The following ADGRE3 variants were observed in gnomAD, a reference collection of about 807,000 sequenced individuals.
The protein encoded by ADGRE3 is EGF-like module receptor 3.
A neutral mutation model predicts 80.1 loss-of-function variants in ADGRE3; 88 were observed. The observed-to-expected ratio is 1.10, with a 90% CI of 0.93 to 1.31. The LOEUF (loss-of-function observed/expected upper bound fraction) is 1.31. Ranked by LOEUF, ADGRE3 falls within the 40% of genes most tolerant of loss-of-function variation. The probability of loss-of-function intolerance (pLI) is 0.00; values close to 1 mark genes in which losing one functional copy is unlikely to be tolerated. For synonymous variants in ADGRE3, 281 were observed against 294.8 expected (o/e 0.95, Z 0.48); for missense variants, 715 against 776.5 (o/e 0.92, Z 0.94).
chr19:14,666,607 C>T (rs1363295687), intron 2 of ADGRE3, among the ~76,000 whole-genome samples: 1 of 152,146 alleles, frequency 6.6e-6, no homozygotes, highest in Non-Finnish European at 1.5e-5. Flanking sequence ...AAGCTCCTGA[C>T]TTCAAGTGAT....
intron 11 of ADGRE3, among the ~76,000 whole-genome samples, chr19:14,637,017 C>T (rs914273060): frequency 6.6e-6 from 1 of 152,016 alleles, no homozygotes; most frequent in African/African-American, 2.4e-5. Flanking sequence ...TCGCTTGAAC[C>T]CGGGAGGTGG....
chr19:14,665,936 G>GTATATATATGTATATATATATA (rs71166783), intron 2 of ADGRE3, among the ~76,000 whole-genome samples: 3 of 42,098 alleles, frequency 7.1e-5, no homozygotes, highest in African/African-American at 3.4e-4. Context: ...ACACATATGT[G>GTATATATATGTATATATATATA]TATATATATA....
At chr19:14,606,105 T>A in the ADGRE3 span, among the ~76,000 whole-genome samples, 1 of 152,066 alleles carries the variant, frequency 6.6e-6, no homozygotes, top group Non-Finnish European at 1.5e-5. Flanking sequence ...CCTGGAACAA[T>A]GAATTCTTAT....
chr19:14,603,582 C>A, the ADGRE3 span, among the ~76,000 whole-genome samples: 16 of 152,038 alleles, frequency 1.1e-4, no homozygotes, highest in African/African-American at 3.9e-4. Flanking sequence ...GATTTAGCCT[C>A]CCAAGTAACT....
At chr19:14,648,642 A>G (rs1159444271) in intron 7 of ADGRE3, among the ~76,000 whole-genome samples, 1 of 152,172 alleles carries the variant, frequency 6.6e-6, no homozygotes, top group Non-Finnish European at 1.5e-5. Context: ...TGTTTTAAAG[A>G]TGAGATTAAT....
intron 5 of ADGRE3, 116 bp downstream of exon 5, chr19:14,658,396 TA>T (rs1363959070): frequency 2.5e-5 from 10 of 403,852 alleles, no homozygotes; most frequent in African/African-American, 2.2e-4. Context: ...ATTATATATG[TA>T]TATATAATAT....
At chr19:14,637,067 C>T (rs1331925522) in intron 11 of ADGRE3, among the ~76,000 whole-genome samples, 2 of 152,074 alleles carry the variant, frequency 1.3e-5, no homozygotes, top group African/African-American at 4.8e-5. Flanking sequence ...GGACTCCAGC[C>T]TGGGCAACAA....
the ADGRE3 span, among the ~76,000 whole-genome samples, chr19:14,608,781 G>A: frequency 1.3e-5 from 2 of 149,680 alleles, no homozygotes; most frequent in South Asian, 2.1e-4. Context: ...TTACAGGTGC[G>A]CACCACCATG....
chr19:14,636,444 C>T (rs780423041), intron 11 of ADGRE3, among the ~76,000 whole-genome samples: 2 of 151,480 alleles, frequency 1.3e-5, no homozygotes, highest in African/African-American at 2.4e-5. Flanking sequence ...TGGCCTCAAA[C>T]GATTCTCCCG....
chr19:14,653,955 T>TG (rs1971677468), intron 6 of ADGRE3, among the ~76,000 whole-genome samples: 5 of 150,820 alleles, frequency 3.3e-5, no homozygotes, highest in African/African-American at 4.9e-5. Context: ...GTTTTTTTTT[T>TG]TTTTTTTTTT....
chr19:14,674,415 T>C (rs983832111), intron 1 of ADGRE3, among the ~76,000 whole-genome samples: 3 of 152,128 alleles, frequency 2.0e-5, no homozygotes, highest in Admixed American at 2.0e-4. Flanking sequence ...GAGAATCACT[T>C]GAACCCGGGA....
chr19:14,671,011 A>G (rs565572740), intron 1 of ADGRE3, among the ~76,000 whole-genome samples: 1 of 152,326 alleles, frequency 6.6e-6, no homozygotes, highest in Non-Finnish European at 1.5e-5. Flanking sequence ...CTGGAGCCTC[A>G]AAGTCCCGTA....
intron 11 of ADGRE3, among the ~76,000 whole-genome samples, chr19:14,635,344 A>C (rs73506136): frequency 1.1e-4 from 17 of 151,490 alleles, no homozygotes; most frequent in African/African-American, 4.1e-4. Flanking sequence ...GGCTCAAGCA[A>C]TCCTTCCTCC....
intron 9 of ADGRE3, among the ~76,000 whole-genome samples, chr19:14,642,412 G>C (rs374811241): frequency 6.6e-6 from 1 of 152,086 alleles, no homozygotes; most frequent in East Asian, 1.9e-4. Flanking sequence ...TGATCAGAGA[G>C]CTCATACTAA....
At chr19:14,616,699 T>C (rs2075076851), downstream of ADGRE3, among the ~76,000 whole-genome samples, 1 of 151,576 alleles carries the variant, frequency 6.6e-6, no homozygotes, top group Non-Finnish European at 1.5e-5. Context: ...CATCCTTTGG[T>C]GTGTTGCAAG....
intron 2 of ADGRE3, among the ~76,000 whole-genome samples, chr19:14,667,774 C>T (rs1369047081): frequency 6.6e-6 from 1 of 152,106 alleles, no homozygotes; most frequent in African/African-American, 2.4e-5. Context: ...CACATGTATA[C>T]CTATGTAACA....
chr19:14,638,179 G>C lies in ADGRE3; in HGVS notation c.1410C>G (p.Val470=). 1 of 1,614,100 alleles carries C rather than the reference G, an allele frequency of 6.2e-7. No homozygotes were observed. Among genetic ancestry groups the C allele is most frequent in the Admixed American group, 1.7e-5 (1 of 60,008 alleles). ...NRLMKWIMFP[V]GYGVPAVTVA... ...CAGTCACAGCGGGAACGCCATAGCC[G>C]ACTGGGAACATGATCCACTTCATGA... Residue 470 remains valine, a synonymous_variant, in exon 11 of 16, where the codon GTC becomes GTG. Transcript: ENST00000253673.
chr19:14,652,316 C>T (rs1161783803), intron 6 of ADGRE3, among the ~76,000 whole-genome samples: 1 of 151,898 alleles, frequency 6.6e-6, no homozygotes, highest in African/African-American at 2.4e-5. Flanking sequence ...AAATGTTAAG[C>T]TCATGAAAAT....
chr19:14,665,936 G>GTATATATATATATA (rs71309616), intron 2 of ADGRE3, among the ~76,000 whole-genome samples: 11 of 42,096 alleles, frequency 2.6e-4, no homozygotes, highest in Admixed American at 9.7e-4. Context: ...ACACATATGT[G>GTATATATATATATA]TATATATATA....
Sources: allele counts gnomAD v4.1 joint callset (sites outside exome capture counted in the v4.1 genomes callset), GRCh38; gene constraint gnomAD v4.1.1; transcripts MANE v1.5; gene names NCBI Gene and HGNC (gene_info 2026-07-23, HGNC 2026-07-21).